The following SETD7 variants were observed in gnomAD, a reference collection of about 807,000 sequenced individuals.
SETD7 encodes the protein histone-lysine N-methyltransferase SETD7.
Under a neutral mutation model 41.8 loss-of-function variants are expected in SETD7, and 16 were observed. That is an observed-to-expected ratio of 0.38 (90% CI 0.26 to 0.58). The LOEUF is 0.58. Among genes scored for constraint, SETD7 ranks in the 20% least tolerant of loss-of-function variants. The probability of loss-of-function intolerance (pLI) is 0.64; values close to 1 mark genes in which losing one functional copy is unlikely to be tolerated. For missense variants in SETD7, 346 were observed against 459.7 expected (o/e 0.75, Z 2.26); for synonymous variants, 163 against 169.7 (o/e 0.96, Z 0.31).
chr4:139,521,682 A>G (rs1411737146), intron 5 of SETD7, among the ~76,000 whole-genome samples: 1 of 152,160 alleles, frequency 6.6e-6, no homozygotes, highest in Non-Finnish European at 1.5e-5. Flanking sequence ...ATCCTGCCCT[A>G]CTGACTTCTC....
chr4:139,533,787 G>A (rs562292637), intron 2 of SETD7, among the ~76,000 whole-genome samples: 58 of 152,300 alleles, frequency 3.8e-4, no homozygotes, highest in Admixed American at 3.7e-3. Flanking sequence ...CAGATGGCTT[G>A]TATATAGTAA....
intron 3 of SETD7, among the ~76,000 whole-genome samples, chr4:139,530,766 T>G (rs1193925403): frequency 2.0e-5 from 3 of 152,232 alleles, no homozygotes; most frequent in Non-Finnish European, 4.4e-5. Context: ...AAAGTAGAAA[T>G]TCTTCTTTCA....
chr4:139,512,982 C>T (rs917412418), intron 7 of SETD7, among the ~76,000 whole-genome samples: 1 of 151,866 alleles, frequency 6.6e-6, no homozygotes, highest in Admixed American at 6.6e-5. Flanking sequence ...TGGTCTTGAA[C>T]TCCTGGCCTC....
chr4:139,554,331 G>A (rs1286392285), intron 1 of SETD7, among the ~76,000 whole-genome samples: 1 of 152,238 alleles, frequency 6.6e-6, no homozygotes, highest in African/African-American at 2.4e-5. Flanking sequence ...AAAGGAGCCT[G>A]AGGACTATGG....
intron 7 of SETD7, among the ~76,000 whole-genome samples, chr4:139,513,920 C>T (rs1726949606): frequency 6.6e-6 from 1 of 152,208 alleles, no homozygotes; most frequent in Non-Finnish European, 1.5e-5. Context: ...TGTACTCCAC[C>T]ACAAAGAGAT....
intron 7 of SETD7, among the ~76,000 whole-genome samples, chr4:139,498,921 G>A (rs1169135440): frequency 6.6e-6 from 1 of 152,204 alleles, no homozygotes; most frequent in Non-Finnish European, 1.5e-5. Context: ...GACCAGCCTG[G>A]CCAACATGGT....
At chr4:139,526,037 GTTGT>G (rs1425399998) in intron 4 of SETD7, among the ~76,000 whole-genome samples, 2 of 128,364 alleles carry the variant, frequency 1.6e-5, no homozygotes, top group Non-Finnish European at 3.5e-5. Flanking sequence ...TTTTGTTGTT[GTTGT>G]TTGTTTTTGT....
chr4:139,543,253 A>G (rs1400395146), intron 2 of SETD7, among the ~76,000 whole-genome samples: 2 of 152,352 alleles, frequency 1.3e-5, no homozygotes, highest in East Asian at 1.9e-4. Context: ...GGGAACAGGG[A>G]GAAAAAGTAA....
downstream of SETD7, among the ~76,000 whole-genome samples, chr4:139,494,663 T>A (rs1381543924): frequency 1.3e-5 from 2 of 152,228 alleles, no homozygotes; most frequent in East Asian, 3.8e-4. Flanking sequence ...GATATCAACA[T>A]AGACACAGAA....
chr4:139,545,512 T>G (rs1252487408), intron 2 of SETD7, among the ~76,000 whole-genome samples: 2 of 152,118 alleles, frequency 1.3e-5, no homozygotes. Context: ...AATTTAAAAT[T>G]TACAGTTTGT....
downstream of SETD7, among the ~76,000 whole-genome samples, chr4:139,505,109 T>C (rs1229751050): frequency 3.3e-5 from 5 of 152,068 alleles, no homozygotes; most frequent in Admixed American, 6.5e-5. Flanking sequence ...AAATCAAGGA[T>C]TGGGCAACTG....
In SETD7 at chr4:139,499,359, GA is replaced by G. The variant is rs1454480968; in HGVS notation, c.921-2839del. Among the ~76,000 whole-genome samples the G allele has an allele frequency of 5.9e-5, 9 of 152,342 alleles. No individual in the cohort carries two copies. In the East Asian group the frequency reaches 9.6e-4, roughly 16 times the overall value. ...CTTGAACTTTGCTAAAGCATAGGCTGAGTTAAACAATGACCTGCCATTGCCA... is the reference window on the plus strand; with the variant it reads ...CTTGAACTTTGCTAAAGCATAGGCTGGTTAAACAATGACCTGCCATTGCCA... On this transcript the variant is annotated intron_variant, in intron 7 of 7. Coordinates refer to the SETD7 transcript ENST00000506866.
intron 5 of SETD7, among the ~76,000 whole-genome samples, chr4:139,521,693 G>C (rs977507272): frequency 6.6e-6 from 1 of 152,152 alleles, no homozygotes; most frequent in Non-Finnish European, 1.5e-5. Flanking sequence ...CTGACTTCTC[G>C]TTTGGCCATC....
intron 5 of SETD7, among the ~76,000 whole-genome samples, chr4:139,521,944 G>A (rs1372582098): frequency 6.6e-6 from 1 of 152,200 alleles, no homozygotes; most frequent in Non-Finnish European, 1.5e-5. Context: ...ATTCCAGTCA[G>A]AAGTGGCTGA....
chr4:139,552,784 C>G (rs116667392), intron 1 of SETD7, among the ~76,000 whole-genome samples: 1 of 152,158 alleles, frequency 6.6e-6, no homozygotes, highest in Admixed American at 6.5e-5. Context: ...AAAATCTTTC[C>G]CCTTTGACTT....
At chr4:139,540,086 TC>T (rs746061879) in intron 2 of SETD7, among the ~76,000 whole-genome samples, 77 of 152,328 alleles carry the variant, frequency 5.1e-4, no homozygotes, top group Non-Finnish European at 9.6e-4. Flanking sequence ...AAATAATCCA[TC>T]TTTTCCCCTA....
Position 139,511,299 on chromosome 4 carries a change from A to G in SETD7, c.*364T>C. 1 of 278,418 alleles carries G rather than the reference A, an allele frequency of 3.6e-6. No individual in the cohort carries two copies. Among genetic ancestry groups the G allele is most frequent in the South Asian group, 3.6e-5 (1 of 27,946 alleles). 17.2% of individuals were successfully genotyped at this position (278,418 alleles called of 1,614,324 possible). On this transcript the variant is annotated 3_prime_UTR_variant, in exon 8 of 8. Transcript: ENST00000274031. ...TTTGCACTGGCCATAGGAAAAAAGC[A>G]CTATGGAAAAACCACTGACTAAAAA...
intron 7 of SETD7, among the ~76,000 whole-genome samples, chr4:139,516,181 C>A (rs1727019045): frequency 6.6e-6 from 1 of 152,068 alleles, no homozygotes; most frequent in South Asian, 2.1e-4. Context: ...AAAGAACTTT[C>A]TAGGCCGGGG....
chr4:139,519,869 AATT>A (rs1470282572), intron 6 of SETD7, among the ~76,000 whole-genome samples: 6 of 152,232 alleles, frequency 3.9e-5, no homozygotes, highest in African/African-American at 1.4e-4. Context: ...TTTTGTTTTT[AATT>A]TTTTTGACAA....
Sources: allele counts gnomAD v4.1 joint callset (sites outside exome capture counted in the v4.1 genomes callset), GRCh38; gene constraint gnomAD v4.1.1; transcripts MANE v1.5; gene names NCBI Gene and HGNC (gene_info 2026-07-23, HGNC 2026-07-21).